Variants in AJAP1 observed in about 807,000 individuals in gnomAD.
AJAP1 encodes the protein adherens junctions associated protein 1.
Under a neutral mutation model 35.0 loss-of-function variants are expected in AJAP1, and 5 were observed. That is an observed-to-expected ratio of 0.14 (90% CI 0.07 to 0.30). The LOEUF is 0.30. Among genes scored for constraint, AJAP1 ranks in the 10% least tolerant of loss-of-function variants. The pLI is 1.00. For missense variants in AJAP1, 586 were observed against 571.0 expected, an observed-to-expected ratio of 1.03 and a Z score of -0.27; for synonymous variants, 284 against 249.3, an observed-to-expected ratio of 1.14 and a Z score of -1.31.
At chr1:4,762,005 CTT>C (rs1641577415) in intron 2 of AJAP1, among the ~76,000 whole-genome samples, 2 of 152,306 alleles carry the variant, frequency 1.3e-5, no homozygotes, top group Non-Finnish European at 2.9e-5. Context: ...CGACTTGACA[CTT>C]AATATTAACC....
At chr1:4,712,820 C>A in intron 2 of AJAP1, 121 bp downstream of exon 2, 2 of 1,065,210 alleles carry the variant, frequency 1.9e-6, no homozygotes, top group Non-Finnish European at 2.6e-6. Context: ...GAGATGCAGG[C>A]GTGATGTGTC....
intron 4 of AJAP1, 81 bp from the exon 5 acceptor site, chr1:4,774,346 C>T (rs1641900416): frequency 7.3e-7 from 1 of 1,364,704 alleles, no homozygotes. Context: ...CCAGTCCCCA[C>T]CACAGGCCTG....
chr1:4,705,001 GTTGT>G (rs1265813018), intron 1 of AJAP1, among the ~76,000 whole-genome samples: 10 of 152,170 alleles, frequency 6.6e-5, no homozygotes, highest in African/African-American at 2.4e-4. Context: ...TTTTGATGGG[GTTGT>G]TTGTTTTTTT....
chr1:4,702,229 T>C (rs1401260945), intron 1 of AJAP1, among the ~76,000 whole-genome samples: 1 of 152,162 alleles, frequency 6.6e-6, no homozygotes, highest in Admixed American at 6.5e-5. Context: ...GCTGCAGGGT[T>C]GTTGGGACCT....
intron 2 of AJAP1, among the ~76,000 whole-genome samples, chr1:4,749,080 G>T (rs892449083): frequency 6.6e-6 from 1 of 152,142 alleles, no homozygotes; most frequent in Non-Finnish European, 1.5e-5. Flanking sequence ...AGCATGCCAG[G>T]GCCCTGCAGT....
In AJAP1 at chr1:4,655,329, G is replaced by T; in HGVS notation, c.-97G>T. 8.6e-7 allele frequency: 1 copy of T among 1,166,656 alleles called. No homozygotes were observed. Among genetic ancestry groups the T allele is most frequent in the Non-Finnish European group, 1.1e-6 (1 of 899,480 alleles). The allele number at this position is 1,166,656 out of a possible 1,614,324, so 72.3% of individuals were successfully genotyped here. A position where few individuals can be genotyped will look rare whatever the true frequency, so the allele number is the denominator to read the frequency against. ...GGCGGGAGGCGGCGGACCGAGAGCC[G>T]GAGACCGGCGCCGCGGGACGGAAGC... On this transcript the variant is annotated 5_prime_UTR_variant, in exon 1 of 6. Coordinates refer to ENST00000378191, the MANE Select transcript of AJAP1 (RefSeq NM_018836.4). This position sits in a 1 kb window ranked among gnomAD's most constrained non-coding sequence, Gnocchi z 6.9.
At chr1:4,775,921 G>A (rs1019632720) in intron 5 of AJAP1, among the ~76,000 whole-genome samples, 13 of 152,250 alleles carry the variant, frequency 8.5e-5, no homozygotes, top group Admixed American at 6.5e-4. Flanking sequence ...CAAGCTAGCC[G>A]CAGGGAGCTG....
At chr1:4,774,793 C>T in intron 5 of AJAP1, among the ~76,000 whole-genome samples, 1 of 152,118 alleles carries the variant, frequency 6.6e-6, no homozygotes. Context: ...GACATTCATG[C>T]ACCCTGATTC....
chr1:4,711,402 C>CG (rs540223114), intron 1 of AJAP1, among the ~76,000 whole-genome samples: 603 of 152,234 alleles, frequency 4.0e-3, no homozygotes, highest in African/African-American at 0.012. Flanking sequence ...CCCCAGTGGG[C>CG]GGGGGGTGGC....
intron 2 of AJAP1, among the ~76,000 whole-genome samples, chr1:4,750,406 C>T (rs1641295043): frequency 6.6e-6 from 1 of 152,214 alleles, no homozygotes; most frequent in Non-Finnish European, 1.5e-5. Context: ...ACACAGAGCC[C>T]TGCAGGACCA....
rs564846924 is a variant in AJAP1 at position 4,754,754 on chromosome 1, C to G, written c.830-15099C>G. Among the ~76,000 whole-genome samples, 8 of 152,308 alleles carry G rather than the reference C, an allele frequency of 5.3e-5. No individual in the cohort carries two copies. The South Asian group carries it at 1.2e-3, about 24-fold the overall frequency. On this transcript the variant is annotated intron_variant, in intron 2 of 5. Coordinates refer to ENST00000378191, the MANE Select transcript of AJAP1 (RefSeq NM_018836.4). ...ACATGGATTAAGACGTTGCTGGGACCCCAGCGCAAAGCAAGGAGTGGCCGT... is the reference window on the plus strand; with the variant it reads ...ACATGGATTAAGACGTTGCTGGGACGCCAGCGCAAAGCAAGGAGTGGCCGT...
chr1:4,674,257 G>T (rs1291993139), intron 1 of AJAP1, among the ~76,000 whole-genome samples: 2 of 152,144 alleles, frequency 1.3e-5, no homozygotes, highest in Non-Finnish European at 2.9e-5. Flanking sequence ...TAGGTCAGGG[G>T]TTGGCACACC....
rs1488667615 is a variant in AJAP1 at position 4,784,374 on chromosome 1, G to C, written c.*1889G>C. Reference sequence around the variant, plus strand: ...TCTCCAAAGACTATATTTCTCACGCGTGGCCCACGTGCAGCTTTAATTTCA... The same window carrying C: ...TCTCCAAAGACTATATTTCTCACGCCTGGCCCACGTGCAGCTTTAATTTCA... On this transcript the variant is annotated 3_prime_UTR_variant, in exon 6 of 6. Transcript: ENST00000378191. 6.6e-6 allele frequency: 1 copy of C among 152,150 alleles called. No homozygotes were observed. The highest frequency in any genetic ancestry group is 1.5e-5 in the Non-Finnish European group (1 of 68,042). The allele number at this position is 152,150 out of a possible 1,614,324, so 9.4% of individuals were successfully genotyped here. A position where few individuals can be genotyped will look rare whatever the true frequency, so the allele number is the denominator to read the frequency against.
Position 4,790,364 on chromosome 1 carries a change from A to T in AJAP1, c.*7879A>T, listed in dbSNP as rs1339201560. 1 of 152,220 alleles carries T rather than the reference A, an allele frequency of 6.6e-6. No homozygotes were observed. The highest frequency in any genetic ancestry group is 1.5e-5 in the Non-Finnish European group (1 of 68,044). The allele number at this position is 152,220 out of a possible 1,614,324, so 9.4% of individuals were successfully genotyped here. A position where few individuals can be genotyped will look rare whatever the true frequency, so the allele number is the denominator to read the frequency against. Reference sequence around the variant, plus strand: ...CCACATGGGAGTTTCTTTATTGCGTATGCAGCCAGTCAACATGAATGGGAC... The same window carrying T: ...CCACATGGGAGTTTCTTTATTGCGTTTGCAGCCAGTCAACATGAATGGGAC... On this transcript the variant is annotated 3_prime_UTR_variant, in exon 6 of 6. Transcript: ENST00000378191.
chr1:4,732,197 C>T (rs1436450218), intron 2 of AJAP1, among the ~76,000 whole-genome samples: 6 of 152,262 alleles, frequency 3.9e-5, no homozygotes, highest in Non-Finnish European at 5.9e-5. Context: ...TGGGGCACAG[C>T]CAAATTCTCC....
intron 1 of AJAP1, among the ~76,000 whole-genome samples, chr1:4,660,197 C>A (rs1275308006): frequency 1.3e-5 from 2 of 152,228 alleles, no homozygotes; most frequent in African/African-American, 4.8e-5. Flanking sequence ...AGCCGAGAAC[C>A]CTCATGGTCT....
At chr1:4,667,742 C>T (rs1247325379) in intron 1 of AJAP1, among the ~76,000 whole-genome samples, 2 of 152,142 alleles carry the variant, frequency 1.3e-5, no homozygotes, top group Non-Finnish European at 2.9e-5. Flanking sequence ...CTTAGAGAAC[C>T]GGACCCCCAG....
intron 2 of AJAP1, among the ~76,000 whole-genome samples, chr1:4,747,582 A>C (rs962713063): frequency 6.6e-6 from 1 of 152,212 alleles, no homozygotes; most frequent in African/African-American, 2.4e-5. Context: ...CTGACGTGCA[A>C]AACCTCCACC....
intron 1 of AJAP1, among the ~76,000 whole-genome samples, chr1:4,667,162 G>T (rs936328590): frequency 6.6e-6 from 1 of 152,114 alleles, no homozygotes; most frequent in East Asian, 1.9e-4. Context: ...CCCAGGCGGG[G>T]AAGACAACTG....
Sources: allele counts gnomAD v4.1 joint callset (sites outside exome capture counted in the v4.1 genomes callset), GRCh38; gene constraint gnomAD v4.1.1; non-coding constraint Gnocchi (gnomAD v3.1); transcripts MANE v1.5; gene names NCBI Gene and HGNC (gene_info 2026-07-23, HGNC 2026-07-21).